Variants in KLRG1 observed in about 807,000 individuals in gnomAD.
KLRG1 encodes killer cell lectin like receptor G1.
In KLRG1, 16 loss-of-function variants were observed where a neutral mutation model predicts 21.8. The ratio of observed to expected loss-of-function variants is 0.73; its 90% confidence interval spans 0.50 to 1.11. The LOEUF is 1.11. Among genes scored for constraint, KLRG1 ranks in the 50% most tolerant of loss-of-function variants. The pLI, the probability that KLRG1 is intolerant of heterozygous loss-of-function variation, is 0.00. For missense variants in KLRG1, 173 were observed against 218.3 expected, an observed-to-expected ratio of 0.79 and a Z score of 1.31; for synonymous variants, 69 against 75.9, an observed-to-expected ratio of 0.91 and a Z score of 0.47.
At chr12:8,980,119 TC>T (rs1946730562) in intron 1 of KLRG1, among the ~76,000 whole-genome samples, 1 of 152,158 alleles carries the variant, frequency 6.6e-6, no homozygotes, top group African/African-American at 2.4e-5. Flanking sequence ...CAGGCTGGTC[TC>T]AAATTCCTTA....
chr12:8,981,479 T>G (rs1238300439), intron 1 of KLRG1, among the ~76,000 whole-genome samples: 1 of 152,090 alleles, frequency 6.6e-6, no homozygotes, highest in Non-Finnish European at 1.5e-5. Flanking sequence ...TAAAATATTT[T>G]AACGTTTAAA....
intron 1 of KLRG1, among the ~76,000 whole-genome samples, chr12:8,967,152 A>G (rs1946487609): frequency 7.9e-6 from 1 of 126,952 alleles, no homozygotes; most frequent in African/African-American, 3.0e-5. Flanking sequence ...ACATGGACAC[A>G]GGAAGGGGAA....
chr12:9,100,467 T>A, the KLRG1 span, among the ~76,000 whole-genome samples: 1 of 152,240 alleles, frequency 6.6e-6, no homozygotes, highest in African/African-American at 2.4e-5. Flanking sequence ...TTTATAGAGA[T>A]GGGGTCTCAC....
At chr12:9,077,634 C>T in the KLRG1 span, 1 of 1,573,256 alleles carries the variant, frequency 6.4e-7, no homozygotes, top group Non-Finnish European at 8.6e-7. Context: ...TTCACATTAT[C>T]ACTTCCTATC....
At chr12:8,955,649 C>T (rs941564325) in intron 1 of KLRG1, among the ~76,000 whole-genome samples, 6 of 151,932 alleles carry the variant, frequency 3.9e-5, no homozygotes, top group Non-Finnish European at 5.9e-5. Context: ...ACCTCAGCCT[C>T]CCGAAGTGCT....
the KLRG1 span, chr12:9,128,056 C>T: frequency 4.5e-6 from 1 of 222,946 alleles, no homozygotes; most frequent in South Asian, 6.4e-5. Flanking sequence ...AAGGCCTGCG[C>T]AGGGCGCCCG....
At chr12:9,161,234 T>C in the KLRG1 span, 2 of 791,498 alleles carry the variant, frequency 2.5e-6, no homozygotes, top group Non-Finnish European at 3.9e-6. Context: ...CTGGCCCTGC[T>C]TTGTGACCTT....
At chr12:8,968,033 C>G (rs1946506979) in intron 1 of KLRG1, among the ~76,000 whole-genome samples, 1 of 151,276 alleles carries the variant, frequency 6.6e-6, no homozygotes. Context: ...AAATAATAAG[C>G]AATAATAAAG....
At chr12:9,021,255 G>C in the KLRG1 span, among the ~76,000 whole-genome samples, 2 of 152,064 alleles carry the variant, frequency 1.3e-5, no homozygotes, top group Admixed American at 1.3e-4. Flanking sequence ...TTAATGTAAA[G>C]GCCTAGGGCA....
chr12:9,136,373 T>C, the KLRG1 span, among the ~76,000 whole-genome samples: 3 of 152,218 alleles, frequency 2.0e-5, no homozygotes, highest in East Asian at 5.8e-4. Flanking sequence ...TTTGGTAAAT[T>C]ATGAATGGGT....
At chr12:9,045,055 G>C in the KLRG1 span, among the ~76,000 whole-genome samples, 1 of 152,072 alleles carries the variant, frequency 6.6e-6, no homozygotes, top group Non-Finnish European at 1.5e-5. Flanking sequence ...CACAGAAAGA[G>C]GCTGAAAAGT....
the KLRG1 span, chr12:9,200,921 A>G: frequency 3.1e-6 from 5 of 1,613,916 alleles, no homozygotes; most frequent in Admixed American, 3.3e-5. Context: ...GGGGTGCTGT[A>G]TCCTTCCACC....
chr12:9,090,272 G>A, the KLRG1 span: 1 of 1,587,482 alleles, frequency 6.3e-7, no homozygotes, highest in South Asian at 1.1e-5. Flanking sequence ...GTCTTTTCCT[G>A]AAGGAAGTAG....
the KLRG1 span, among the ~76,000 whole-genome samples, chr12:9,193,280 T>A: frequency 6.6e-6 from 1 of 152,212 alleles, no homozygotes; most frequent in African/African-American, 2.4e-5. Context: ...TCCCTTGTGG[T>A]AACTGCTCCT....
At chr12:9,102,950 T>C in the KLRG1 span, among the ~76,000 whole-genome samples, 1 of 152,210 alleles carries the variant, frequency 6.6e-6, no homozygotes, top group Non-Finnish European at 1.5e-5. Flanking sequence ...CGTTTTCCAT[T>C]ACCATGATTA....
At chr12:9,094,759 G>A in the KLRG1 span, among the ~76,000 whole-genome samples, 29 of 152,094 alleles carry the variant, frequency 1.9e-4, no homozygotes, top group Non-Finnish European at 3.2e-4. Context: ...CTAATCCTAC[G>A]CTTGGAAACT....
chr12:9,083,930 G>A, the KLRG1 span, among the ~76,000 whole-genome samples: 31 of 151,958 alleles, frequency 2.0e-4, no homozygotes, highest in East Asian at 5.4e-3. Context: ...AAAAGCAGAA[G>A]GTGATAAAGA....
the KLRG1 span, among the ~76,000 whole-genome samples, chr12:9,076,513 A>G: frequency 6.6e-6 from 1 of 152,176 alleles, no homozygotes; most frequent in Non-Finnish European, 1.5e-5. Flanking sequence ...AGACTTTACA[A>G]TGAGTTTGTC....
chr12:9,181,534 G>T, the KLRG1 span, among the ~76,000 whole-genome samples: 1 of 152,116 alleles, frequency 6.6e-6, no homozygotes, highest in Non-Finnish European at 1.5e-5. Flanking sequence ...CATAAGTGGG[G>T]AATCTTAACA....
Sources: gnomAD v4.1 joint callset for allele counts (sites outside exome capture counted in the v4.1 genomes callset) on GRCh38, gnomAD v4.1.1 for gene constraint, MANE v1.5 for transcripts, NCBI Gene and HGNC (gene_info 2026-07-23, HGNC 2026-07-21) for gene names.